COLGALT1: variants seen among roughly 807,000 people sequenced by gnomAD.
The protein encoded by COLGALT1 is collagen beta(1-O)galactosyltransferase 1.
Under a neutral mutation model 60.8 loss-of-function variants are expected in COLGALT1, and 43 were observed. The observed-to-expected ratio is 0.71, with a 90% CI of 0.55 to 0.91. The LOEUF is 0.91. Ranked by LOEUF, COLGALT1 falls within the 40% of genes least tolerant of loss-of-function variation. The probability of loss-of-function intolerance (pLI) is 0.00; values close to 1 mark genes in which losing one functional copy is unlikely to be tolerated. For synonymous variants in COLGALT1, 369 were observed against 374.2 expected (o/e 0.99, Z 0.16); for missense variants, 845 against 880.0 (o/e 0.96, Z 0.50).
chr19:17,555,889 T>C lies in COLGALT1; in HGVS notation c.176T>C (p.Leu59Ser). The C allele has an allele frequency of 7.2e-7, 1 of 1,393,544 alleles. No homozygotes were observed. Among genetic ancestry groups the C allele is most frequent in the Non-Finnish European group, 9.3e-7 (1 of 1,072,028 alleles). 86.3% of individuals were successfully genotyped at this position (1,393,544 alleles called of 1,614,324 possible). ...LQAPRVLIAL[L>S]ARNAAHALPT... is the part of the protein sequence containing the mutation. ...GCGCCGCGCGTGCTCATCGCGCTGT[T>C]GGCGCGAAACGCGGCCCACGCGTTG... Residue 59 changes from leucine to serine, a missense_variant, in exon 1 of 12, where the codon TTG (leucine) becomes TCG (serine). Physicochemically the swap from Leu to Ser is moderately radical, Grantham distance 145. Coordinates refer to ENST00000252599, the MANE Select transcript of COLGALT1 (RefSeq NM_024656.4).
Position 17,560,416 on chromosome 19 carries a change from G to A in COLGALT1, c.440G>A (p.Arg147His), listed in dbSNP as rs775756264. 12 of 1,614,138 alleles carry A rather than the reference G, an allele frequency of 7.4e-6. No homozygotes were observed. Among genetic ancestry groups the A allele is most frequent in the Admixed American group, 3.3e-5 (2 of 60,004 alleles). ...CGCTACGAGCATGTCATGAAGTTGC[G>A]CCAGGCAGCCCTGAAATCAGCTCGA... ...DSRYEHVMKLRQAALKSARDM... is the reference protein window; with the variant it reads ...DSRYEHVMKLHQAALKSARDM... The change falls in exon 3 of 12, where the codon CGC (arginine) becomes CAC (histidine). Residue 147 changes from arginine (R) to histidine (H), a missense_variant. Arg to His is a conservative substitution (Grantham distance 29). Coordinates refer to ENST00000252599, the MANE Select transcript of COLGALT1 (RefSeq NM_024656.4).
Position 17,580,911 on chromosome 19 carries a change from A to G in COLGALT1, c.1601+6A>G, listed in dbSNP as rs1258356411. On this transcript the variant is annotated splice_donor_region_variant and intron_variant, in intron 11 of 11. Coordinates refer to ENST00000252599, the MANE Select transcript of COLGALT1 (RefSeq NM_024656.4). ...ATGTTCGACAAACACCCAGTGTGAG[A>G]GGGGCAGGCGGCTGCTGGGCTGGGG... 1 of 1,612,126 alleles carries G rather than the reference A, an allele frequency of 6.2e-7. No individual in the cohort carries two copies.
At chr19:17,578,869 G>GGT (rs1223922312) in intron 9 of COLGALT1, among the ~76,000 whole-genome samples, 1 of 152,112 alleles carries the variant, frequency 6.6e-6, no homozygotes, top group Admixed American at 6.6e-5. Context: ...AAATTATCTG[G>GGT]GTGTGGTGGT....
chr19:17,572,440 C>T (rs748697663), intron 5 of COLGALT1, 43 bp from the exon 6 acceptor site: 37 of 1,612,754 alleles, frequency 2.3e-5, no homozygotes, highest in South Asian at 8.8e-5. Flanking sequence ...CACTGGGCCT[C>T]GCCTGTTTTT....
chr19:17,574,279 C>G (rs567922686), intron 6 of COLGALT1, among the ~76,000 whole-genome samples: 1 of 151,910 alleles, frequency 6.6e-6, no homozygotes, highest in Admixed American at 6.6e-5. Flanking sequence ...ATCTGCGGCT[C>G]CCCCTGGTGG....
intron 6 of COLGALT1, among the ~76,000 whole-genome samples, chr19:17,573,887 C>T (rs73022497): frequency 0.24 from 36,415 of 151,112 alleles, 5,190 homozygotes; most frequent in Middle Eastern, 0.33. Context: ...GAGGCTGAGG[C>T]GAGAGGATCC....
In COLGALT1 at chr19:17,580,689, T is replaced by C. The variant is rs778791252; in HGVS notation, c.1395-10T>C. 5.6e-6 allele frequency: 9 copies of C among 1,613,702 alleles called. No homozygotes were observed. Among genetic ancestry groups the C allele is most frequent in the South Asian group, 3.3e-5 (3 of 91,050 alleles). On this transcript the variant is annotated splice_polypyrimidine_tract_variant and intron_variant, in intron 10 of 11. Coordinates refer to ENST00000252599, the MANE Select transcript of COLGALT1 (RefSeq NM_024656.4). ...GGGAGGAGAGTGACAGGCCCGATCT[T>C]GCACCCCAGCTATGTGGGCCGGAAG...
chr19:17,581,567 TC>T lies in COLGALT1; in HGVS notation c.*125del. Reference sequence around the variant, plus strand: ...CAGAGGGCTCTCGTGTGGGGTGGTGTCCAGCCAGCTCTTGCTAAGCAATCAC... The same window carrying T: ...CAGAGGGCTCTCGTGTGGGGTGGTGTCAGCCAGCTCTTGCTAAGCAATCAC... On this transcript the variant is annotated 3_prime_UTR_variant, in exon 12 of 12. Transcript: ENST00000252599. The T allele has an allele frequency of 7.8e-7, 1 of 1,281,080 alleles. No individual in the cohort carries two copies. Among genetic ancestry groups the T allele is most frequent in the Non-Finnish European group, 1.0e-6 (1 of 953,048 alleles). 79.4% of individuals were successfully genotyped at this position (1,281,080 alleles called of 1,614,324 possible). A position where few individuals can be genotyped will look rare whatever the true frequency, so the allele number is the denominator to read the frequency against.
In COLGALT1 at chr19:17,555,887, G is replaced by C; in HGVS notation, c.174G>C (p.Leu58=). ...PLQAPRVLIA[L]LARNAAHALP... is the part of the protein sequence containing the mutation. The stretch of plus-strand genomic sequence containing the variant: ...AGGCGCCGCGCGTGCTCATCGCGCT[G>C]TTGGCGCGAAACGCGGCCCACGCGT... Residue 58 remains leucine, a synonymous_variant, in exon 1 of 12, where the codon CTG becomes CTC. Transcript: ENST00000252599. 1 of 1,393,072 alleles carries C rather than the reference G, an allele frequency of 7.2e-7. No homozygotes were observed. The highest frequency in any genetic ancestry group is 9.3e-7 in the Non-Finnish European group (1 of 1,071,620). 86.3% of individuals were successfully genotyped at this position (1,393,072 alleles called of 1,614,324 possible).
At chr19:17,579,363 G>T in intron 9 of COLGALT1, 119 bp from the exon 10 acceptor site, 4 of 1,326,380 alleles carry the variant, frequency 3.0e-6, no homozygotes, top group Middle Eastern at 2.0e-4. Context: ...GCTAGGAGAG[G>T]CAGGGAGATG....
chr19:17,574,325 G>C, intron 6 of COLGALT1, among the ~76,000 whole-genome samples: 1 of 151,676 alleles, frequency 6.6e-6, no homozygotes, highest in East Asian at 1.9e-4. Flanking sequence ...TTTGTGTTTT[G>C]GGGAGACTTT....
chr19:17,572,152 CA>C (rs1178710369), intron 5 of COLGALT1, among the ~76,000 whole-genome samples: 2 of 151,502 alleles, frequency 1.3e-5, no homozygotes, highest in African/African-American at 4.8e-5. Flanking sequence ...TCTACAAATA[CA>C]AAAAATTAGC....
intron 8 of COLGALT1, among the ~76,000 whole-genome samples, 181 bp from the exon 9 acceptor site, chr19:17,577,776 G>T (rs2076353396): frequency 6.6e-6 from 1 of 152,052 alleles, no homozygotes; most frequent in African/African-American, 2.4e-5. Flanking sequence ...GAGGAGAGCA[G>T]GTTTGCCCGC....
intron 10 of COLGALT1, 80 bp from the exon 11 acceptor site, chr19:17,580,619 G>A: frequency 7.1e-7 from 1 of 1,414,360 alleles, no homozygotes; most frequent in South Asian, 1.2e-5. Context: ...GACCTGACGG[G>A]GTAACTAGAT....
chr19:17,570,114 T>C (rs1243014088), intron 5 of COLGALT1, among the ~76,000 whole-genome samples: 3 of 151,408 alleles, frequency 2.0e-5, no homozygotes, highest in African/African-American at 7.3e-5. Flanking sequence ...AGGATGGTCT[T>C]GATCTCTTGA....
chr19:17,567,604 T>A (rs1350219279), intron 4 of COLGALT1, 64 bp downstream of exon 4: 2 of 1,547,042 alleles, frequency 1.3e-6, no homozygotes, highest in Non-Finnish European at 1.8e-6. Context: ...GGCTAGAGTG[T>A]AACTTACTGT....
intron 10 of COLGALT1, 94 bp from the exon 11 acceptor site, chr19:17,580,605 C>A: frequency 7.9e-7 from 1 of 1,263,334 alleles, no homozygotes; most frequent in Non-Finnish European, 1.1e-6. Context: ...TGCTCCCATC[C>A]CAGGACCTGA....
At chr19:17,558,196 C>T (rs2076225104) in intron 1 of COLGALT1, among the ~76,000 whole-genome samples, 1 of 151,824 alleles carries the variant, frequency 6.6e-6, no homozygotes, top group Non-Finnish European at 1.5e-5. Flanking sequence ...GCCTCGGCCT[C>T]CCAAAGTGCT....
rs764381432 is a variant in COLGALT1, at chr19:17,581,369, G to GGC, written c.1795_1796dup (p.Leu600HisfsTer2). 6.2e-7 allele frequency: 1 copy of GGC among 1,613,108 alleles called. No individual in the cohort carries two copies. Among genetic ancestry groups the GGC allele is most frequent in the African/African-American group, 1.3e-5 (1 of 74,896 alleles). ...AGTCCCAGAAGATGCGGGAGCAGCA[G>GGC]GCACTGAGCCGTGAGGCCAAGAACT... On this transcript the variant is annotated frameshift_variant, in exon 12 of 12. Coordinates refer to ENST00000252599, the MANE Select transcript of COLGALT1 (RefSeq NM_024656.4). LOFTEE classifies it low-confidence loss of function (END_TRUNC).
Sources: gnomAD v4.1 joint callset for allele counts (sites outside exome capture counted in the v4.1 genomes callset) on GRCh38, gnomAD v4.1.1 for gene constraint, MANE v1.5 for transcripts, NCBI Gene and HGNC (gene_info 2026-07-23, HGNC 2026-07-21) for gene names.